Variants in TLE4 observed in about 807,000 individuals in gnomAD.
TLE4 encodes the protein transducin-like enhancer protein 4.
Under a neutral mutation model 92.8 loss-of-function variants are expected in TLE4, and 8 were observed. The ratio of observed to expected loss-of-function variants is 0.09; its 90% CI spans 0.05 to 0.16. TLE4 has a LOEUF of 0.16. Ranked by LOEUF, TLE4 falls within the 10% of genes least tolerant of loss-of-function variation. TLE4 has a pLI of 1.00. For synonymous variants in TLE4, 371 were observed against 374.1 expected (o/e 0.99, Z 0.10); for missense variants, 675 against 997.6 (o/e 0.68, Z 4.36).
At chr9:79,574,732 C>G (rs898913051) in intron 2 of TLE4, 141 bp from the exon 3 acceptor site, 4 of 646,408 alleles carry the variant, frequency 6.2e-6, no homozygotes, top group Non-Finnish European at 1.1e-5. Context: ...ACCCCTTTCC[C>G]CTTCCCTTTC....
chr9:79,701,385 T>TG (rs915825965), intron 8 of TLE4, among the ~76,000 whole-genome samples: 3 of 152,216 alleles, frequency 2.0e-5, no homozygotes, highest in African/African-American at 7.2e-5. Flanking sequence ...AGTATTTGGT[T>TG]GTACATATGA....
rs1038000764 is a variant in TLE4, at chr9:79,725,674, T to C, written c.*530T>C. The C allele has an allele frequency of 6.5e-6, 1 of 152,784 alleles. No individual in the cohort carries two copies. Among genetic ancestry groups the C allele is most frequent in the East Asian group, 1.9e-4 (1 of 5,202 alleles). The allele number at this position is 152,784 out of a possible 1,614,324, so 9.5% of individuals were successfully genotyped here. On this transcript the variant is annotated 3_prime_UTR_variant, in exon 20 of 20. Coordinates refer to ENST00000376552, the MANE Select transcript of TLE4 (RefSeq NM_007005.6). ...ATGTTGCTGTGTTGTTATTAGGTTT[T>C]TTTTGTTTTTGTTTTCTACATCTTT...
chr9:79,598,021 A>G (rs993190876), intron 4 of TLE4, among the ~76,000 whole-genome samples: 1 of 147,876 alleles, frequency 6.8e-6, no homozygotes, highest in Non-Finnish European at 1.5e-5. Context: ...TCACGAGGTC[A>G]GGAGATCGAG....
chr9:79,724,970 A>G (rs1339658912), intron 19 of TLE4, 67 bp from the exon 20 acceptor site: 4 of 1,230,184 alleles, frequency 3.3e-6, no homozygotes, highest in Non-Finnish European at 4.7e-6. Flanking sequence ...CATTTGCTCT[A>G]AGTCCTCCAT....
intron 19 of TLE4, 102 bp downstream of exon 19, chr9:79,723,137 C>G: frequency 9.1e-7 from 1 of 1,100,594 alleles, no homozygotes; most frequent in Non-Finnish European, 1.4e-6. Context: ...GAGGTCAGAG[C>G]TAGTATTATG....
chr9:79,573,223 G>A (rs1209912241), intron 1 of TLE4: 14 of 1,009,576 alleles, frequency 1.4e-5, no homozygotes, highest in Admixed American at 5.9e-5. Context: ...TGGAAGTGCG[G>A]GGCGCCGGCC....
At chr9:79,584,330 A>G (rs1013596406) in intron 4 of TLE4, among the ~76,000 whole-genome samples, 1 of 151,896 alleles carries the variant, frequency 6.6e-6, no homozygotes, top group Non-Finnish European at 1.5e-5. Context: ...CCTCCCTTCT[A>G]CCCTCTCATT....
chr9:79,668,193 G>C lies in TLE4; in HGVS notation c.609+14118G>C, dbSNP rs968412640. Among the ~76,000 whole-genome samples the C allele has an allele frequency of 3.3e-5, 5 of 152,218 alleles. No individual in the cohort carries two copies. The East Asian group carries it at 7.7e-4, about 23-fold the overall frequency. ...TTGTTAATGAAAGCAGCCCAGACGA[G>C]CTGTGAGCAGCTGGGCTGGATAATT... On this transcript the variant is annotated intron_variant, in intron 8 of 19. Transcript: ENST00000376552.
At chr9:79,605,045 G>A (rs1249655895) in intron 4 of TLE4, among the ~76,000 whole-genome samples, 2 of 151,994 alleles carry the variant, frequency 1.3e-5, no homozygotes, top group Admixed American at 6.6e-5. Flanking sequence ...GGGAGGGAGA[G>A]AGAAGAGAAA....
At chr9:79,673,720 T>C (rs1187888103) in intron 8 of TLE4, among the ~76,000 whole-genome samples, 2 of 152,192 alleles carry the variant, frequency 1.3e-5, no homozygotes, top group Admixed American at 6.5e-5. Flanking sequence ...CTAAAAACTA[T>C]TGAAGTAGTA....
At chr9:79,699,397 TG>T (rs1362508955) in intron 8 of TLE4, among the ~76,000 whole-genome samples, 1 of 152,194 alleles carries the variant, frequency 6.6e-6, no homozygotes, top group Non-Finnish European at 1.5e-5. Context: ...CTATAGTGAC[TG>T]AACTATAGTT....
intron 6 of TLE4, among the ~76,000 whole-genome samples, chr9:79,649,069 A>G (rs2058525311): frequency 6.6e-6 from 1 of 152,198 alleles, no homozygotes; most frequent in Non-Finnish European, 1.5e-5. Flanking sequence ...CAGATACATC[A>G]GAAAAAGAAA....
chr9:79,697,660 C>T (rs916344983), intron 8 of TLE4, among the ~76,000 whole-genome samples: 15 of 151,764 alleles, frequency 9.9e-5, no homozygotes, highest in African/African-American at 2.9e-4. Flanking sequence ...AAGAAACCCC[C>T]GAGAGGACAT....
chr9:79,715,498 A>G (rs557612462), intron 14 of TLE4, among the ~76,000 whole-genome samples: 1 of 152,082 alleles, frequency 6.6e-6, no homozygotes, highest in South Asian at 2.1e-4. Flanking sequence ...CATTTCATTC[A>G]CTGACCTCAG....
chr9:79,649,396 G>A, intron 6 of TLE4: 2 of 171,104 alleles, frequency 1.2e-5, no homozygotes, highest in Non-Finnish European at 2.5e-5. Flanking sequence ...TGTGTAGGGG[G>A]CAGTGGAGGA....
chr9:79,714,968 T>G (rs2074186608), intron 14 of TLE4, among the ~76,000 whole-genome samples: 1 of 152,192 alleles, frequency 6.6e-6, no homozygotes, highest in Admixed American at 6.5e-5. Context: ...CTTTATTATT[T>G]CCAGTTCTGA....
intron 4 of TLE4, among the ~76,000 whole-genome samples, chr9:79,607,831 A>G (rs986972796): frequency 2.6e-5 from 4 of 151,966 alleles, no homozygotes. Context: ...ATCAGGTAGC[A>G]TGGTGCCTCC....
At chr9:79,692,631 A>C (rs537719006) in intron 8 of TLE4, among the ~76,000 whole-genome samples, 10 of 152,292 alleles carry the variant, frequency 6.6e-5, no homozygotes, top group African/African-American at 2.2e-4. Context: ...TATTTCTCAC[A>C]GTTCTGGGGG....
chr9:79,705,688 A>C (rs2071349844), intron 9 of TLE4, among the ~76,000 whole-genome samples: 1 of 152,212 alleles, frequency 6.6e-6, no homozygotes, highest in African/African-American at 2.4e-5. Context: ...GTAGTGCATC[A>C]GTCTCATAAT....
Sources: gnomAD v4.1 joint callset for allele counts (sites outside exome capture counted in the v4.1 genomes callset) on GRCh38, gnomAD v4.1.1 for gene constraint, MANE v1.5 for transcripts, NCBI Gene and HGNC (gene_info 2026-07-23, HGNC 2026-07-21) for gene names.